MYO7B: variants seen among roughly 807,000 people sequenced by gnomAD.
The protein encoded by MYO7B is unconventional myosin-VIIb.
MYO7B carries 212 observed loss-of-function variants against 259.7 expected under a neutral mutation model. That is an observed-to-expected ratio of 0.82 (90% CI 0.73 to 0.91). MYO7B has a LOEUF of 0.91. Among genes scored for constraint, MYO7B ranks in the 40% least tolerant of loss-of-function variants. The pLI, the probability that MYO7B is intolerant of heterozygous loss-of-function variation, is 0.00. For missense variants in MYO7B, 2,732 were observed against 2,813.5 expected, an observed-to-expected ratio of 0.97 and a Z score of 0.66; for synonymous variants, 1,197 against 1,166.4, an observed-to-expected ratio of 1.03 and a Z score of -0.54.
At position 127,578,173 on chromosome 2, in the gene MYO7B, A is replaced by AT; in HGVS notation, c.890_891insT (p.Tyr298LeufsTer96). ...TGTGAGGGGCTCAACGACGCCAAGG[A>AT]CTACGCCCACATCCGCTCGGCCATG... On this transcript the variant is annotated frameshift_variant, in exon 9 of 48. Coordinates refer to ENST00000409816, the MANE Select transcript of MYO7B (RefSeq NM_001393586.1). LOFTEE classifies it high-confidence loss of function. The AT allele has an allele frequency of 1.2e-6, 2 of 1,613,762 alleles. No homozygotes were observed. The highest frequency in any genetic ancestry group is 1.7e-6 in the Non-Finnish European group (2 of 1,179,848).
chr2:127,565,334 G>C lies in MYO7B; in HGVS notation c.234G>C (p.Glu78Asp), dbSNP rs1678287256. 2 of 1,613,928 alleles carry C rather than the reference G, an allele frequency of 1.2e-6. No homozygotes were observed. The highest frequency in any genetic ancestry group is 1.7e-5 in the Admixed American group (1 of 60,010). The stretch of plus-strand genomic sequence containing the variant: ...TGATCCGCCTGGGGGACCTGAACGA[G>C]GCAGGCATGGTGCACAACCTCCTGA... ...DDMIRLGDLN[E>D]AGMVHNLLIR... The change falls in exon 4 of 48, where the codon GAG (glutamate) becomes GAC (aspartate). Residue 78 changes from glutamate (E) to aspartate (D), a missense_variant. Transcript: ENST00000409816.
chr2:127,545,328 G>T (rs1693180188), intron 1 of MYO7B, among the ~76,000 whole-genome samples: 1 of 152,226 alleles, frequency 6.6e-6, no homozygotes, highest in African/African-American at 2.4e-5. Context: ...GGCAGGCAGG[G>T]TCATCTGAGG....
chr2:127,591,919 C>G (rs1679574334), intron 16 of MYO7B, among the ~76,000 whole-genome samples: 1 of 152,248 alleles, frequency 6.6e-6, no homozygotes, highest in South Asian at 2.1e-4. Flanking sequence ...GCCCCAGCCA[C>G]TCCAGGTCTC....
At chr2:127,579,262 T>C (rs187665869) in intron 9 of MYO7B, among the ~76,000 whole-genome samples, 1 of 152,184 alleles carries the variant, frequency 6.6e-6, no homozygotes, top group Non-Finnish European at 1.5e-5. Flanking sequence ...ATAGGGCTGG[T>C]TCCAGAACTA....
intron 4 of MYO7B, 66 bp from the exon 5 acceptor site, chr2:127,566,565 AGCCAAGGCCAAG>A (rs879596782): frequency 1.6e-5 from 22 of 1,390,972 alleles, no homozygotes; most frequent in South Asian, 1.2e-4. Flanking sequence ...GCAGAGCCAG[AGCCAAGGCCAAG>A]GCCAAGGCCA....
chr2:127,592,250 C>G (rs1369432977), intron 16 of MYO7B, among the ~76,000 whole-genome samples: 1 of 152,106 alleles, frequency 6.6e-6, no homozygotes, highest in African/African-American at 2.4e-5. Flanking sequence ...CAAAACTTAC[C>G]CGGGCGTGGT....
chr2:127,635,796 C>T lies in MYO7B; in HGVS notation c.5895C>T (p.Tyr1965=), dbSNP rs1409247375. ...EDAIHLAGLI[Y]KAQFNNDRSQ... ...CCATCCACCTGGCGGGCCTCATCTA[C>T]AAGGCCCAGTTCAACAACGACCGGT... The change falls in exon 44 of 48, where the codon TAC becomes TAT. Residue 1965 remains tyrosine, a synonymous_variant. Coordinates refer to ENST00000409816, the MANE Select transcript of MYO7B (RefSeq NM_001393586.1). 3.1e-6 allele frequency: 5 copies of T among 1,595,954 alleles called. No homozygotes were observed. The highest frequency in any genetic ancestry group is 4.3e-6 in the Non-Finnish European group (5 of 1,171,528).
At chr2:127,560,396 G>C (rs2104848075) in intron 2 of MYO7B, among the ~76,000 whole-genome samples, 1 of 152,278 alleles carries the variant, frequency 6.6e-6, no homozygotes, top group Non-Finnish European at 1.5e-5. Context: ...CTGGGGAACT[G>C]TGGGCATGGG....
Position 127,584,713 on chromosome 2 carries a change from T to C in MYO7B, c.1555-65T>C, listed in dbSNP as rs1013390137. ...CTCTTTGCCTCCATGAGGAAGTCCCTGAGCCTCACCTCCCCATGGCTGGAC... is the reference window on the plus strand; with the variant it reads ...CTCTTTGCCTCCATGAGGAAGTCCCCGAGCCTCACCTCCCCATGGCTGGAC... On this transcript the variant is annotated intron_variant, in intron 13 of 47. Transcript: ENST00000409816. This position sits in a 1 kb window ranked among gnomAD's most constrained non-coding sequence, Gnocchi z 5.8. 22 of 1,586,760 alleles carry C rather than the reference T, an allele frequency of 1.4e-5. No individual in the cohort carries two copies. In the Admixed American group the frequency reaches 2.8e-4, roughly 20 times the overall value.
At chr2:127,610,058 C>T (rs775512590) in intron 24 of MYO7B, 42 bp downstream of exon 24, 14 of 1,593,696 alleles carry the variant, frequency 8.8e-6, no homozygotes, top group Middle Eastern at 2.2e-4. Flanking sequence ...GCGACACCTA[C>T]CAGGTGCCTA....
rs866024960 is a variant in MYO7B, at chr2:127,614,294, C to G, written c.3398+1691C>G. 6.6e-6 allele frequency among the ~76,000 whole-genome samples: 1 copy of G among 152,160 alleles called. No homozygotes were observed. The highest frequency in any genetic ancestry group is 6.5e-5 in the Admixed American group (1 of 15,270). ...GCTGAAGTGGAACATCCCACAGCCTCTTACTGCTGGGGTCTTCTAGAAAAT... is the reference window on the plus strand; with the variant it reads ...GCTGAAGTGGAACATCCCACAGCCTGTTACTGCTGGGGTCTTCTAGAAAAT... On this transcript the variant is annotated intron_variant, in intron 26 of 47. Coordinates refer to ENST00000409816, the MANE Select transcript of MYO7B (RefSeq NM_001393586.1). This position sits in a 1 kb window ranked among gnomAD's most constrained non-coding sequence, Gnocchi z 4.6.
At position 127,627,492 on chromosome 2, in the gene MYO7B, C is replaced by T. The variant is rs1017901697; in HGVS notation, c.4460+182C>T. The T allele has an allele frequency of 1.3e-5, 11 of 849,902 alleles. No homozygotes were observed. The highest frequency in any genetic ancestry group is 4.0e-5 in the Admixed American group (2 of 49,574). The allele number at this position is 849,902 out of a possible 1,614,324, so 52.6% of individuals were successfully genotyped here. A position where few individuals can be genotyped will look rare whatever the true frequency, so the allele number is the denominator to read the frequency against. On this transcript the variant is annotated intron_variant, in intron 33 of 47. Transcript: ENST00000409816. This position sits in a 1 kb window ranked among gnomAD's most constrained non-coding sequence, Gnocchi z 5.6. Reference sequence around the variant, plus strand: ...GGAGCCCCACCCTCCTGCACCAGGCCGTACTGCCCATGAAGTACTCCATTG... The same window carrying T: ...GGAGCCCCACCCTCCTGCACCAGGCTGTACTGCCCATGAAGTACTCCATTG...
At chr2:127,550,343 C>G (rs6756535) in intron 1 of MYO7B, among the ~76,000 whole-genome samples, 1 of 151,982 alleles carries the variant, frequency 6.6e-6, no homozygotes, top group Non-Finnish European at 1.5e-5. Context: ...AGGTGGGCAG[C>G]TCACTTGAGG....
Position 127,624,260 on chromosome 2 carries a change from C to T in MYO7B, c.3987C>T (p.Thr1329=), listed in dbSNP as rs775138549. ...ACTCCCGGGAGGACCCTGTCAGCAC[C>T]GAGCTTATTTACCGCCAAGTCCTCC... ...WHDSREDPVS[T]ELIYRQVLRG... The change falls in exon 30 of 48, where the codon ACC becomes ACT. Residue 1329 remains threonine, a synonymous_variant. Transcript: ENST00000409816. The T allele has an allele frequency of 3.0e-5, 48 of 1,595,148 alleles. 1 individual carries two copies. Among genetic ancestry groups the T allele is most frequent in the Middle Eastern group, 1.6e-4 (1 of 6,064 alleles).
rs1233164204 is a variant in MYO7B at position 127,625,380 on chromosome 2, G to A, written c.4060G>A (p.Val1354Ile). 7 of 1,585,566 alleles carry A rather than the reference G, an allele frequency of 4.4e-6. No individual in the cohort carries two copies. Among genetic ancestry groups the A allele is most frequent in the African/African-American group, 1.3e-5 (1 of 74,160 alleles). The change falls in exon 31 of 48, where the codon GTT (valine) becomes ATT (isoleucine). Residue 1354 changes from valine (V) to isoleucine (I), a missense_variant. Physicochemically the swap from Val to Ile is conservative, Grantham distance 29. This residue lies in a region of MYO7B where 1,906 missense variants were observed against 2,026.4 expected (regional missense o/e 0.94). Coordinates refer to ENST00000409816, the MANE Select transcript of MYO7B (RefSeq NM_001393586.1). ...CTGGGCTGTGCAGGAGGAAGAGCTG[G>A]TTGAGCTGCTGGCCCGGCACTGCTA... ...EYSFEKEEEL[V>I]ELLARHCYVQ...
At chr2:127,563,982 G>A (rs1678212786) in intron 2 of MYO7B, among the ~76,000 whole-genome samples, 171 bp from the exon 3 acceptor site, 1 of 152,200 alleles carries the variant, frequency 6.6e-6, no homozygotes, top group Non-Finnish European at 1.5e-5. Flanking sequence ...TACCTGCCCA[G>A]TGAGCAGGGA....
At chr2:127,542,129 C>T (rs767485638) in intron 1 of MYO7B, among the ~76,000 whole-genome samples, 17 of 152,346 alleles carry the variant, frequency 1.1e-4, no homozygotes, top group Non-Finnish European at 2.2e-4. Context: ...CATATATCTC[C>T]GGCACTGTCA....
Position 127,615,738 on chromosome 2 carries a change from A to AGCT in MYO7B, c.3398+3136_3398+3137insCTG, listed in dbSNP as rs1680545154. On this transcript the variant is annotated intron_variant, in intron 26 of 47. Coordinates refer to ENST00000409816, the MANE Select transcript of MYO7B (RefSeq NM_001393586.1). This position sits in a 1 kb window ranked among gnomAD's most constrained non-coding sequence, Gnocchi z 4.4. ...CTCATATAGCCTCCAGTGGTATACT[A>AGCT]GATCACGACTCTCACTCTTTCGGCC... Among the ~76,000 whole-genome samples, 1 of 151,888 alleles carries AGCT rather than the reference A, an allele frequency of 6.6e-6. No individual in the cohort carries two copies. Among genetic ancestry groups the AGCT allele is most frequent in the African/African-American group, 2.4e-5 (1 of 41,298 alleles).
At chr2:127,587,895 T>A (rs1450016491) in intron 14 of MYO7B, among the ~76,000 whole-genome samples, 1 of 152,178 alleles carries the variant, frequency 6.6e-6, no homozygotes, top group African/African-American at 2.4e-5. Context: ...ATGACACTAG[T>A]TACACTGGAT....
Sources: gnomAD v4.1 joint callset for allele counts (sites outside exome capture counted in the v4.1 genomes callset) on GRCh38, gnomAD v4.1.1 for gene constraint, gnomAD v4.1.1 regional missense constraint, Gnocchi (gnomAD v3.1) non-coding constraint, MANE v1.5 for transcripts, NCBI Gene and HGNC (gene_info 2026-07-23, HGNC 2026-07-21) for gene names.